Variants in SORCS3 observed in about 807,000 individuals in gnomAD.
SORCS3 encodes the protein VPS10 domain-containing receptor SorCS3.
In SORCS3, 57 loss-of-function variants were observed where a neutral mutation model predicts 146.3. That is an observed-to-expected ratio of 0.39 (90% CI 0.31 to 0.49). The LOEUF (loss-of-function observed/expected upper bound fraction) is 0.49, where lower values mean the gene tolerates loss of function less well. Ranked by LOEUF, SORCS3 falls within the 20% of genes least tolerant of loss-of-function variation. The pLI is 0.92. For missense variants in SORCS3, 1,341 were observed against 1,575.5 expected, an observed-to-expected ratio of 0.85 and a Z score of 2.52; for synonymous variants, 653 against 618.5, an observed-to-expected ratio of 1.06 and a Z score of -0.83.
chr10:104,934,087 C>T (rs1318781071), intron 3 of SORCS3, among the ~76,000 whole-genome samples: 8 of 152,180 alleles, frequency 5.3e-5, no homozygotes, highest in African/African-American at 9.7e-5. Context: ...CCACTGTGCC[C>T]GGCCTTCCCT....
intron 1 of SORCS3, among the ~76,000 whole-genome samples, chr10:104,833,509 A>G (rs1343242530): frequency 1.3e-5 from 2 of 152,096 alleles, no homozygotes; most frequent in Non-Finnish European, 2.9e-5. Context: ...ATTGATCTCA[A>G]CAGAAGACAC....
At chr10:104,711,314 G>T (rs1413441575) in intron 1 of SORCS3, among the ~76,000 whole-genome samples, 1 of 152,190 alleles carries the variant, frequency 6.6e-6, no homozygotes, top group Non-Finnish European at 1.5e-5. Context: ...TGGACAGTCT[G>T]GGAATGAACA....
At chr10:104,994,853 C>T (rs534737673) in intron 4 of SORCS3, among the ~76,000 whole-genome samples, 8 of 152,228 alleles carry the variant, frequency 5.3e-5, no homozygotes, top group South Asian at 4.1e-4. Flanking sequence ...CACATGTTAA[C>T]GGGCATTTGG....
intron 4 of SORCS3, among the ~76,000 whole-genome samples, chr10:105,032,946 T>C (rs1164523485): frequency 6.6e-6 from 1 of 152,166 alleles, no homozygotes; most frequent in Non-Finnish European, 1.5e-5. Flanking sequence ...AGTATCAGTT[T>C]TTGTTCAAAG....
chr10:104,775,567 G>T lies in SORCS3; in HGVS notation c.628-67225G>T, dbSNP rs114681474. On this transcript the variant is annotated intron_variant, in intron 1 of 26. Transcript: ENST00000369701. ...AGAGTACTGAACTAGAAAGCCAATG[G>T]CCAGTGTGCTCCTGTTGACAATCAG... 3.4e-3 allele frequency among the ~76,000 whole-genome samples: 515 copies of T among 152,280 alleles called. 2 individuals are homozygous for T. The highest frequency in any genetic ancestry group is 0.012 in the African/African-American group (489 of 41,546).
chr10:105,028,586 T>C (rs2055245228), intron 4 of SORCS3, among the ~76,000 whole-genome samples: 1 of 152,196 alleles, frequency 6.6e-6, no homozygotes. Flanking sequence ...TCAAACAGCC[T>C]GGTTTGAATC....
intron 23 of SORCS3, 57 bp from the exon 24 acceptor site, chr10:105,255,645 A>G: frequency 8.2e-7 from 1 of 1,212,268 alleles, no homozygotes; most frequent in Non-Finnish European, 1.2e-6. Flanking sequence ...TTCTTACCCC[A>G]TGAGGGAGCA....
intron 2 of SORCS3, among the ~76,000 whole-genome samples, chr10:104,899,353 A>C (rs1189340074): frequency 6.6e-6 from 1 of 152,216 alleles, no homozygotes. Flanking sequence ...GGAGTTCTAG[A>C]TGTGTTAGAA....
chr10:105,077,448 G>A (rs891337428), intron 5 of SORCS3, among the ~76,000 whole-genome samples: 6 of 151,758 alleles, frequency 4.0e-5, no homozygotes, highest in African/African-American at 1.2e-4. Context: ...CATTAAGATC[G>A]TGCATATTCT....
chr10:104,656,778 C>A (rs190418295), intron 1 of SORCS3, among the ~76,000 whole-genome samples: 2 of 151,968 alleles, frequency 1.3e-5, no homozygotes, highest in African/African-American at 4.8e-5. Flanking sequence ...CTCTGATCAC[C>A]CTGTGGGTTA....
At chr10:104,765,437 G>T (rs1033871163) in intron 1 of SORCS3, among the ~76,000 whole-genome samples, 2 of 152,206 alleles carry the variant, frequency 1.3e-5, no homozygotes, top group African/African-American at 4.8e-5. Context: ...CTCCTTATCT[G>T]TAAAATGGGA....
chr10:104,887,147 C>G (rs975863731), intron 2 of SORCS3, among the ~76,000 whole-genome samples: 1 of 152,130 alleles, frequency 6.6e-6, no homozygotes, highest in Admixed American at 6.5e-5. Flanking sequence ...AAATTTAAAA[C>G]CTTCTGTGAA....
At chr10:105,258,793 C>A (rs1007160259) in intron 25 of SORCS3, among the ~76,000 whole-genome samples, 1 of 152,124 alleles carries the variant, frequency 6.6e-6, no homozygotes, top group Admixed American at 6.5e-5. Context: ...ATCAGCCCAC[C>A]TTTTCTGTGT....
At chr10:104,672,079 T>C (rs918949868) in intron 1 of SORCS3, among the ~76,000 whole-genome samples, 10 of 152,218 alleles carry the variant, frequency 6.6e-5, no homozygotes, top group African/African-American at 2.4e-4. Flanking sequence ...TTTGGTAGAA[T>C]TCACTGGTGA....
At chr10:104,833,929 C>T (rs1223047725) in intron 1 of SORCS3, among the ~76,000 whole-genome samples, 1 of 152,222 alleles carries the variant, frequency 6.6e-6, no homozygotes, top group Non-Finnish European at 1.5e-5. Context: ...TCTTCTCTCA[C>T]AGTCCTCGTC....
chr10:105,070,618 A>G (rs2055550410), intron 5 of SORCS3, among the ~76,000 whole-genome samples: 1 of 152,340 alleles, frequency 6.6e-6, no homozygotes, highest in East Asian at 1.9e-4. Context: ...GAGGGAGTTC[A>G]TATTTTCTCT....
At chr10:104,674,591 T>C (rs1360598116) in intron 1 of SORCS3, among the ~76,000 whole-genome samples, 1 of 152,230 alleles carries the variant, frequency 6.6e-6, no homozygotes, top group Non-Finnish European at 1.5e-5. Flanking sequence ...CTGACATCTT[T>C]CGTAATGCCT....
chr10:104,687,754 T>C (rs1431271634), intron 1 of SORCS3, among the ~76,000 whole-genome samples: 2 of 152,132 alleles, frequency 1.3e-5, no homozygotes, highest in African/African-American at 4.8e-5. Context: ...AGGCACAGGC[T>C]CTGGAGTCTG....
At chr10:105,116,262 T>TC (rs1373687648) in intron 7 of SORCS3, among the ~76,000 whole-genome samples, 1 of 152,200 alleles carries the variant, frequency 6.6e-6, no homozygotes, top group Non-Finnish European at 1.5e-5. Context: ...TGACCTGCTA[T>TC]CACCTTGCCT....
Sources: gnomAD v4.1 joint callset for allele counts (sites outside exome capture counted in the v4.1 genomes callset) on GRCh38, gnomAD v4.1.1 for gene constraint, MANE v1.5 for transcripts, NCBI Gene and HGNC (gene_info 2026-07-23, HGNC 2026-07-21) for gene names.